Variants in SLC36A1 observed in about 807,000 individuals in gnomAD.
The protein encoded by SLC36A1 is proton-coupled amino acid transporter 1.
Under a neutral mutation model 47.5 loss-of-function variants are expected in SLC36A1, and 30 were observed. The ratio of observed to expected loss-of-function variants is 0.63; its 90% CI spans 0.47 to 0.86. SLC36A1 has a LOEUF of 0.86. Among genes scored for constraint, SLC36A1 ranks in the 40% least tolerant of loss-of-function variants. SLC36A1 has a pLI of 0.00. For missense variants in SLC36A1, 517 were observed against 606.0 expected, an observed-to-expected ratio of 0.85 and a Z score of 1.54; for synonymous variants, 255 against 249.7, an observed-to-expected ratio of 1.02 and a Z score of -0.20.
chr5:151,347,405 T>G, the SLC36A1 span: 1 of 1,614,216 alleles, frequency 6.2e-7, no homozygotes, highest in Non-Finnish European at 8.5e-7. Flanking sequence ...CGACATAAGG[T>G]CCAATTTGAT....
the SLC36A1 span, among the ~76,000 whole-genome samples, chr5:151,509,167 T>C: frequency 1.3e-5 from 2 of 152,094 alleles, no homozygotes; most frequent in Admixed American, 6.5e-5. Flanking sequence ...CACTGGGAAG[T>C]TCAGGTCCAG....
At chr5:151,386,171 C>T in the SLC36A1 span, among the ~76,000 whole-genome samples, 1 of 152,190 alleles carries the variant, frequency 6.6e-6, no homozygotes, top group East Asian at 1.9e-4. Context: ...AGCCACCGCA[C>T]CCGGCCCCTT....
chr5:151,548,863 T>C, the SLC36A1 span, among the ~76,000 whole-genome samples: 1 of 152,062 alleles, frequency 6.6e-6, no homozygotes, highest in South Asian at 2.1e-4. Context: ...AAGAAACCCA[T>C]AAAATAGATA....
chr5:151,514,003 G>A, the SLC36A1 span, among the ~76,000 whole-genome samples: 1 of 152,128 alleles, frequency 6.6e-6, no homozygotes, highest in East Asian at 1.9e-4. Flanking sequence ...TTCCCAAGAG[G>A]TAGGACTGCC....
At position 151,463,184 on chromosome 5, in the gene SLC36A1, C is replaced by T. The variant is rs1017007995; in HGVS notation, c.144-369C>T. On this transcript the variant is annotated intron_variant, in intron 2 of 10. Transcript: ENST00000243389. ...GCCACTGTGCCTGGCCAGGTCTGAG[C>T]CTTTACAGTGGTCAGTTCAGTGGTT... Among the ~76,000 whole-genome samples, 5 of 152,140 alleles carry T rather than the reference C, an allele frequency of 3.3e-5. No homozygotes were observed. The South Asian group carries it at 1.0e-3, about 32-fold the overall frequency.
the SLC36A1 span, among the ~76,000 whole-genome samples, chr5:151,502,663 G>A: frequency 4.0e-5 from 6 of 148,442 alleles, no homozygotes; most frequent in Admixed American, 3.9e-4. Flanking sequence ...AAATGCTGGT[G>A]AGAATGTGGA....
chr5:151,405,845 C>G, the SLC36A1 span, among the ~76,000 whole-genome samples: 2 of 152,054 alleles, frequency 1.3e-5, no homozygotes, highest in African/African-American at 4.8e-5. Flanking sequence ...CTCTGTTTGG[C>G]TTCCTTAGTT....
the SLC36A1 span, among the ~76,000 whole-genome samples, chr5:151,381,498 A>G: frequency 1.2e-4 from 18 of 152,350 alleles, no homozygotes; most frequent in Non-Finnish European, 1.6e-4. Context: ...CCTTTCCCAA[A>G]GCAGACCTCC....
chr5:151,380,827 A>G, the SLC36A1 span: 50 of 489,450 alleles, frequency 1.0e-4, no homozygotes, highest in East Asian at 2.2e-3. Context: ...AACTGGCAGC[A>G]GCAGACCCAC....
At chr5:151,463,767 C>A in intron 3 of SLC36A1, 124 bp downstream of exon 3, 2 of 744,508 alleles carry the variant, frequency 2.7e-6, no homozygotes, top group Admixed American at 2.4e-5. Flanking sequence ...AATCAGTTGA[C>A]AAAAAGCGGA....
chr5:151,371,982 A>G, the SLC36A1 span, among the ~76,000 whole-genome samples: 2 of 152,168 alleles, frequency 1.3e-5, no homozygotes, highest in Non-Finnish European at 2.9e-5. Flanking sequence ...CACATTAACA[A>G]CATTATTCTA....
At chr5:151,553,834 A>G in the SLC36A1 span, among the ~76,000 whole-genome samples, 5 of 152,200 alleles carry the variant, frequency 3.3e-5, no homozygotes, top group South Asian at 2.1e-4. Flanking sequence ...AGGTCCTGTT[A>G]TCATCTGTCT....
chr5:151,367,186 A>G, the SLC36A1 span, among the ~76,000 whole-genome samples: 1 of 152,054 alleles, frequency 6.6e-6, no homozygotes. Flanking sequence ...ACAACAGAAA[A>G]CAGGGTCTGA....
intron 8 of SLC36A1, among the ~76,000 whole-genome samples, chr5:151,475,182 G>A (rs1261947179): frequency 6.6e-6 from 1 of 152,314 alleles, no homozygotes; most frequent in Admixed American, 6.5e-5. Context: ...TACTTCAGCA[G>A]TGAGAAAGAG....
At chr5:151,505,666 C>T in the SLC36A1 span, 2 of 1,613,856 alleles carry the variant, frequency 1.2e-6, no homozygotes, top group Non-Finnish European at 1.7e-6. Context: ...GCAAGAGGTG[C>T]CCCCTCCACC....
chr5:151,505,477 C>T, the SLC36A1 span: 1 of 1,520,028 alleles, frequency 6.6e-7, no homozygotes, highest in Non-Finnish European at 9.0e-7. Context: ...CTCTCCCAGC[C>T]ACACTCAACT....
At chr5:151,531,978 G>A in the SLC36A1 span, 1 of 1,613,506 alleles carries the variant, frequency 6.2e-7, no homozygotes, top group Non-Finnish European at 8.5e-7. This position sits in a 1 kb window ranked among gnomAD's most constrained non-coding sequence, Gnocchi z 5.7. Context: ...CGCCTGGCAG[G>A]GAGACCAAGG....
the SLC36A1 span, among the ~76,000 whole-genome samples, chr5:151,400,575 T>C: frequency 1.3e-5 from 2 of 152,198 alleles, no homozygotes; most frequent in African/African-American, 2.4e-5. Flanking sequence ...TTTTGAGAAA[T>C]TTACAAACTG....
the SLC36A1 span, chr5:151,381,130 A>G: frequency 2.0e-4 from 96 of 490,018 alleles, no homozygotes; most frequent in African/African-American, 1.7e-3. Flanking sequence ...TCTCTCTGGC[A>G]GGCAAGGATG....
Sources: gnomAD v4.1 joint callset for allele counts (sites outside exome capture counted in the v4.1 genomes callset) on GRCh38, gnomAD v4.1.1 for gene constraint, Gnocchi (gnomAD v3.1) non-coding constraint, MANE v1.5 for transcripts, NCBI Gene and HGNC (gene_info 2026-07-23, HGNC 2026-07-21) for gene names.